The following WDR41 variants were observed in gnomAD, a reference collection of about 807,000 sequenced individuals.
The protein encoded by WDR41 is WD repeat domain 41, also known as WD repeat-containing protein 41.
Under a neutral mutation model 69.3 loss-of-function variants are expected in WDR41, and 63 were observed. The ratio of observed to expected loss-of-function variants is 0.91; its 90% CI spans 0.74 to 1.12. The LOEUF (loss-of-function observed/expected upper bound fraction) is 1.12. WDR41 is among the 50% of genes most tolerant of loss of function. WDR41 has a pLI of 0.00. For missense variants in WDR41, 543 were observed against 534.5 expected (o/e 1.02, Z -0.16); for synonymous variants, 185 against 192.1 (o/e 0.96, Z 0.31).
intron 8 of WDR41, among the ~76,000 whole-genome samples, chr5:77,445,822 G>T (rs1329024416): frequency 6.6e-6 from 1 of 152,186 alleles, no homozygotes; most frequent in African/African-American, 2.4e-5. Flanking sequence ...AATATCATAT[G>T]AATGGGCAAA....
chr5:77,592,175 T>G (rs1744148056), intron 1 of WDR41, among the ~76,000 whole-genome samples: 1 of 152,184 alleles, frequency 6.6e-6, no homozygotes, highest in African/African-American at 2.4e-5. Context: ...TACATTTACT[T>G]GAAATATCTT....
At chr5:77,531,194 G>A (rs1373780739) in intron 1 of WDR41, among the ~76,000 whole-genome samples, 1 of 151,678 alleles carries the variant, frequency 6.6e-6, no homozygotes, top group Admixed American at 6.6e-5. Flanking sequence ...GCATCAAAAG[G>A]CATTAAAAAG....
chr5:77,506,014 A>T (rs901911314), intron 1 of WDR41, among the ~76,000 whole-genome samples: 5 of 152,368 alleles, frequency 3.3e-5, no homozygotes, highest in Non-Finnish European at 4.4e-5. Context: ...AAGCAATGGC[A>T]AGAAAAGCCA....
At chr5:77,599,168 CA>C (rs1429318477) in intron 1 of WDR41, among the ~76,000 whole-genome samples, 2 of 139,868 alleles carry the variant, frequency 1.4e-5, no homozygotes, top group Non-Finnish European at 3.1e-5. Flanking sequence ...CATGCATTTA[CA>C]ATGGTTATCT....
At chr5:77,468,613 A>T (rs1002723032) in intron 2 of WDR41, among the ~76,000 whole-genome samples, 2 of 152,310 alleles carry the variant, frequency 1.3e-5, no homozygotes, top group African/African-American at 4.8e-5. Flanking sequence ...GGTCCCAAAA[A>T]TTCAAATGTT....
chr5:77,536,149 C>T (rs117985870), intron 1 of WDR41, among the ~76,000 whole-genome samples: 108 of 152,204 alleles, frequency 7.1e-4, no homozygotes, highest in African/African-American at 2.1e-3. Context: ...AGTTTATGCT[C>T]GTCTGAGGAG....
chr5:77,500,433 G>A (rs998949019), intron 1 of WDR41, among the ~76,000 whole-genome samples: 9 of 151,936 alleles, frequency 5.9e-5, no homozygotes, highest in Non-Finnish European at 1.3e-4. Context: ...TAAGCCACTA[G>A]CAAGACTGAC....
chr5:77,487,120 A>G (rs1458665943), intron 2 of WDR41, among the ~76,000 whole-genome samples: 6 of 152,252 alleles, frequency 3.9e-5, no homozygotes, highest in African/African-American at 1.4e-4. Context: ...GAGGAAAGAC[A>G]GCAATGAACA....
At chr5:77,446,178 G>A (rs572738775) in intron 8 of WDR41, among the ~76,000 whole-genome samples, 7 of 152,008 alleles carry the variant, frequency 4.6e-5, no homozygotes, top group African/African-American at 7.2e-5. Context: ...ATTCACAATC[G>A]CTACAAAGAG....
At chr5:77,502,740 C>G (rs1802039405) in intron 1 of WDR41, among the ~76,000 whole-genome samples, 1 of 152,122 alleles carries the variant, frequency 6.6e-6, no homozygotes, top group South Asian at 2.1e-4. Context: ...TAATTTTCAA[C>G]CCAGAATTTC....
intron 1 of WDR41, among the ~76,000 whole-genome samples, chr5:77,572,439 A>G (rs889502034): frequency 6.6e-6 from 1 of 152,226 alleles, no homozygotes; most frequent in Non-Finnish European, 1.5e-5. Context: ...TACAAGAGCT[A>G]TAATTCTAAA....
intron 2 of WDR41, among the ~76,000 whole-genome samples, chr5:77,470,960 C>A (rs997188827): frequency 1.2e-4 from 18 of 152,298 alleles, no homozygotes; most frequent in African/African-American, 4.3e-4. Flanking sequence ...CACCCCAAAT[C>A]AACAGAATAT....
chr5:77,470,190 T>A (rs1478716496), intron 2 of WDR41, among the ~76,000 whole-genome samples: 2 of 151,504 alleles, frequency 1.3e-5, no homozygotes, highest in African/African-American at 4.9e-5. Context: ...GCTTCATAAG[T>A]GAAGGAGAAA....
chr5:77,447,027 G>A (rs1244667596), intron 8 of WDR41, among the ~76,000 whole-genome samples: 1 of 152,084 alleles, frequency 6.6e-6, no homozygotes, highest in Non-Finnish European at 1.5e-5. Context: ...CTACCCATCT[G>A]ACAAAGGTCG....
chr5:77,466,910 A>G (rs999750796), intron 2 of WDR41, among the ~76,000 whole-genome samples: 7 of 151,496 alleles, frequency 4.6e-5, no homozygotes, highest in African/African-American at 1.5e-4. Context: ...ACATATTAGT[A>G]CCTGTCATAA....
At chr5:77,476,779 A>C (rs960796539) in intron 2 of WDR41, among the ~76,000 whole-genome samples, 5 of 150,332 alleles carry the variant, frequency 3.3e-5, no homozygotes, top group African/African-American at 4.9e-5. Flanking sequence ...CAAGCAAAAT[A>C]ACCAGCTAAC....
intron 1 of WDR41, 107 bp from the exon 2 acceptor site, chr5:77,489,679 A>C (rs1801682687): frequency 1.7e-6 from 1 of 571,826 alleles, no homozygotes; most frequent in South Asian, 3.1e-5. Flanking sequence ...ATCTGAGAAC[A>C]CAAGATTTTA....
chr5:77,608,915 A>ATTTTC (rs1744482541), intron 1 of WDR41, among the ~76,000 whole-genome samples: 2 of 152,196 alleles, frequency 1.3e-5, no homozygotes. Flanking sequence ...GAAAGGGGTG[A>ATTTTC]CAGACGGCAC....
chr5:77,478,603 A>G (rs1430645369), intron 2 of WDR41, among the ~76,000 whole-genome samples: 1 of 152,218 alleles, frequency 6.6e-6, no homozygotes, highest in African/African-American at 2.4e-5. Flanking sequence ...GATGCAGAAA[A>G]GGCCTTTGAC....
Sources: gnomAD v4.1 joint callset for allele counts (sites outside exome capture counted in the v4.1 genomes callset) on GRCh38, gnomAD v4.1.1 for gene constraint, MANE v1.5 for transcripts, NCBI Gene and HGNC (gene_info 2026-07-23, HGNC 2026-07-21) for gene names.